Variants in CNTRL observed in about 807,000 individuals in gnomAD.
CNTRL encodes the protein centriolin.
CNTRL carries 233 observed loss-of-function variants against 303.7 expected under a neutral mutation model. The ratio of observed to expected loss-of-function variants is 0.77; its 90% CI spans 0.69 to 0.86. The LOEUF is 0.86. Ranked by LOEUF, CNTRL falls within the 40% of genes least tolerant of loss-of-function variation. The probability of loss-of-function intolerance (pLI) is 0.00; values close to 1 mark genes in which losing one functional copy is unlikely to be tolerated. For missense variants in CNTRL, 2,524 were observed against 2,650.6 expected, an observed-to-expected ratio of 0.95 and a Z score of 1.05; for synonymous variants, 900 against 922.2, an observed-to-expected ratio of 0.98 and a Z score of 0.44.
At chr9:121,076,218 A>G (rs1314031419) in intron 1 of CNTRL, among the ~76,000 whole-genome samples, 1 of 152,202 alleles carries the variant, frequency 6.6e-6, no homozygotes, top group Non-Finnish European at 1.5e-5. Context: ...GGGAGATAAA[A>G]TCTTCTGCAT....
chr9:121,137,803 A>C (rs1436144775), intron 15 of CNTRL, among the ~76,000 whole-genome samples: 2 of 152,210 alleles, frequency 1.3e-5, no homozygotes, highest in Admixed American at 1.3e-4. Context: ...AGACTGTACT[A>C]GCTTGAAATA....
chr9:121,090,433 G>C, intron 4 of CNTRL, 28 bp downstream of exon 4: 1 of 1,596,256 alleles, frequency 6.3e-7, no homozygotes, highest in Non-Finnish European at 8.5e-7. Context: ...TCTGAGCATA[G>C]ATACTGTTTT....
At chr9:121,096,032 A>G (rs1218892190) in intron 5 of CNTRL, among the ~76,000 whole-genome samples, 1 of 152,216 alleles carries the variant, frequency 6.6e-6, no homozygotes, top group Non-Finnish European at 1.5e-5. Flanking sequence ...ACTTAAGACA[A>G]TAATTAGGAA....
At chr9:121,139,990 G>C (rs2051411797) in intron 16 of CNTRL, among the ~76,000 whole-genome samples, 2 of 152,114 alleles carry the variant, frequency 1.3e-5, no homozygotes, top group African/African-American at 4.8e-5. Flanking sequence ...CTAACCTCCT[G>C]AGTACAAGTT....
chr9:121,153,241 G>T (rs1271235316), intron 26 of CNTRL, among the ~76,000 whole-genome samples: 1 of 152,104 alleles, frequency 6.6e-6, no homozygotes, highest in African/African-American at 2.4e-5. Flanking sequence ...TTGACACACT[G>T]CAAATCTGAC....
At chr9:121,166,221 G>T in intron 36 of CNTRL, 41 bp downstream of exon 36, 1 of 1,385,302 alleles carries the variant, frequency 7.2e-7, no homozygotes. Context: ...TATACTGAGG[G>T]TATGCAGACC....
At chr9:121,098,279 A>C in intron 6 of CNTRL, 107 bp from the exon 7 acceptor site, 1 of 831,748 alleles carries the variant, frequency 1.2e-6, no homozygotes, top group Non-Finnish European at 1.9e-6. Flanking sequence ...AATTGGCTTC[A>C]TGAATAGATT....
At chr9:121,152,303 T>C (rs1330943713) in intron 25 of CNTRL, 182 bp from the exon 26 acceptor site, 4 of 589,054 alleles carry the variant, frequency 6.8e-6, no homozygotes, top group Non-Finnish European at 1.2e-5. Context: ...AAATTAAAGG[T>C]TCTATTTGTC....
At position 121,140,633 on chromosome 9, in the gene CNTRL, C is replaced by T. The variant is rs750415639; in HGVS notation, c.2338-8C>T. ...AATAGATAATCCCTATTTCATCCCC[C>T]TCCATAGGATGACAATAATCTGTTA... On this transcript the variant is annotated splice_polypyrimidine_tract_variant and splice_region_variant and intron_variant, in intron 16 of 43. Coordinates refer to ENST00000373855, the MANE Select transcript of CNTRL (RefSeq NM_007018.6). 3.2e-5 allele frequency: 51 copies of T among 1,602,244 alleles called. No individual in the cohort carries two copies. Among genetic ancestry groups the T allele is most frequent in the East Asian group, 2.2e-5 (1 of 44,610 alleles).
Position 121,167,638 on chromosome 9 carries a change from G to A in CNTRL, c.5805G>A (p.Glu1935=). The change falls in exon 37 of 44, where the codon GAG becomes GAA. Residue 1935 remains glutamate, a synonymous_variant. Coordinates refer to ENST00000373855, the MANE Select transcript of CNTRL (RefSeq NM_007018.6). ...AACAACTTCAAGTGCTTCAGAATGA[G>A]ATTGAAGAAAACAAGCTCAAACTAG... The part of the protein sequence containing the change: ...KQQQLQVLQN[E]IEENKLKLVQ... 1 of 1,614,148 alleles carries A rather than the reference G, an allele frequency of 6.2e-7. No individual in the cohort carries two copies. Among genetic ancestry groups the A allele is most frequent in the Non-Finnish European group, 8.5e-7 (1 of 1,180,006 alleles).
At chr9:121,105,766 GGTGATAAT>G (rs2049437140) in intron 7 of CNTRL, among the ~76,000 whole-genome samples, 1 of 152,202 alleles carries the variant, frequency 6.6e-6, no homozygotes, top group South Asian at 2.1e-4. Flanking sequence ...ATTGGCAACA[GGTGATAAT>G]GATCTTGACA....
At chr9:121,140,619 C>T in intron 16 of CNTRL, 22 bp from the exon 17 acceptor site, 1 of 1,588,140 alleles carries the variant, frequency 6.3e-7, no homozygotes, top group South Asian at 1.1e-5. Context: ...ATAGATAATC[C>T]CTATTTCATC....
At chr9:121,093,454 G>T (rs1201957367) in intron 4 of CNTRL, among the ~76,000 whole-genome samples, 7 of 152,108 alleles carry the variant, frequency 4.6e-5, no homozygotes, top group Non-Finnish European at 8.8e-5. Context: ...TAAGTATAAT[G>T]CAAATATTTC....
chr9:121,125,889 A>G lies in CNTRL; in HGVS notation c.1978A>G (p.Arg660Gly). 6.2e-7 allele frequency: 1 copy of G among 1,614,216 alleles called. No individual in the cohort carries two copies. Among genetic ancestry groups the G allele is most frequent in the South Asian group, 1.1e-5 (1 of 91,090 alleles). ...GAGATTGACAGAAGTCGAGCAGGAGAGAGACCAGCTGGAAATAGTTGCCAT... is the reference window on the plus strand; with the variant it reads ...GAGATTGACAGAAGTCGAGCAGGAGGGAGACCAGCTGGAAATAGTTGCCAT... ...LQRLTEVEQE[R>G]DQLEIVAMDA... Residue 660 changes from arginine (R) to glycine (G), a missense_variant, in exon 14 of 44, where the codon AGA becomes GGA. Transcript: ENST00000373855.
intron 2 of CNTRL, among the ~76,000 whole-genome samples, chr9:121,087,259 T>G (rs1241762526): frequency 6.6e-6 from 1 of 152,166 alleles, no homozygotes; most frequent in East Asian, 1.9e-4. Context: ...TAGGGAACAC[T>G]GGAAGACGAA....
intron 25 of CNTRL, among the ~76,000 whole-genome samples, chr9:121,151,387 C>CTTTTTTTT (rs71370632): frequency 8.8e-5 from 8 of 90,440 alleles, no homozygotes; most frequent in African/African-American, 1.6e-4. Context: ...TTTTCTTCTT[C>CTTTTTTTT]TTTTTTTTTT....
intron 2 of CNTRL, among the ~76,000 whole-genome samples, chr9:121,084,374 G>A (rs1463312591): frequency 2.0e-5 from 3 of 152,066 alleles, no homozygotes; most frequent in Non-Finnish European, 4.4e-5. Context: ...GACATTTTTT[G>A]TTGAGATACT....
chr9:121,090,334 A>C lies in CNTRL; in HGVS notation c.277A>C (p.Lys93Gln), dbSNP rs1272992369. ...AGAGGCCCTCATTAAAAAACTTACT[A>C]AACAGGATAATTTGGCTTTGATAAA... is the stretch of plus-strand genomic sequence containing the variant. ...ITEALIKKLT[K>Q]QDNLALIKSL... is the part of the protein sequence containing the mutation. Residue 93 changes from lysine to glutamine, a missense_variant, in exon 4 of 44, where the codon AAA (lysine) becomes CAA (glutamine). By Grantham distance (53) the Lys-to-Gln change is moderately conservative. Coordinates refer to ENST00000373855, the MANE Select transcript of CNTRL (RefSeq NM_007018.6). 1.2e-6 allele frequency: 2 copies of C among 1,612,762 alleles called. No homozygotes were observed. Among genetic ancestry groups the C allele is most frequent in the African/African-American group, 1.3e-5 (1 of 75,000 alleles).
chr9:121,122,433 A>C (rs2050281886), intron 12 of CNTRL: 1 of 974,082 alleles, frequency 1.0e-6, no homozygotes, highest in Non-Finnish European at 1.2e-6. Flanking sequence ...TGGGGTAAGC[A>C]AATACATAAA....
Sources: allele counts gnomAD v4.1 joint callset (sites outside exome capture counted in the v4.1 genomes callset), GRCh38; gene constraint gnomAD v4.1.1; transcripts MANE v1.5; gene names NCBI Gene and HGNC (gene_info 2026-07-23, HGNC 2026-07-21).